Variants in OTOG observed in about 807,000 individuals in gnomAD.
OTOG encodes otogelin.
A neutral mutation model predicts 313.8 loss-of-function variants in OTOG; 296 were observed. The ratio of observed to expected loss-of-function variants is 0.94; its 90% CI spans 0.86 to 1.04. The LOEUF (loss-of-function observed/expected upper bound fraction) is 1.04. OTOG is among the 50% of genes least tolerant of loss of function. The pLI, the probability that OTOG is intolerant of heterozygous loss-of-function variation, is 0.00. For missense variants in OTOG, 3,948 were observed against 3,840.1 expected, an observed-to-expected ratio of 1.03 and a Z score of -0.74; for synonymous variants, 1,533 against 1,554.9, an observed-to-expected ratio of 0.99 and a Z score of 0.33.
At chr11:17,571,927 G>A (rs1424686498) in intron 17 of OTOG, among the ~76,000 whole-genome samples, 153 bp from the exon 18 acceptor site, 1 of 152,234 alleles carries the variant, frequency 6.6e-6, no homozygotes, top group Admixed American at 6.5e-5. Context: ...ATTTGGGTGA[G>A]TACACGTGCT....
chr11:17,613,213 TTC>T (rs1853623799), intron 38 of OTOG, among the ~76,000 whole-genome samples: 2 of 125,800 alleles, frequency 1.6e-5, no homozygotes, highest in African/African-American at 6.7e-5. Context: ...CTTTCTTTCT[TTC>T]TTTCTTTCTT....
chr11:17,602,161 G>A (rs1243068419), intron 31 of OTOG, 49 bp from the exon 32 acceptor site: 2 of 1,542,940 alleles, frequency 1.3e-6, no homozygotes, highest in African/African-American at 1.4e-5. Flanking sequence ...AGGTATGGGA[G>A]GTGGGCAGGC....
chr11:17,610,129 C>A lies in OTOG; in HGVS notation c.4829C>A (p.Ala1610Asp), dbSNP rs993028668. 5.8e-6 allele frequency: 9 copies of A among 1,550,538 alleles called. No homozygotes were observed. Among genetic ancestry groups the A allele is most frequent in the Non-Finnish European group, 7.0e-6 (8 of 1,146,978 alleles). Reference sequence around the variant, plus strand: ...ACAGTCTCCTCCCGGTCGCCCCCTGCCCCTCGCTTCCCGCTCATGACCAAG... The same window carrying A: ...ACAGTCTCCTCCCGGTCGCCCCCTGACCCTCGCTTCCCGCTCATGACCAAG... ...NITVSSRSPPAPRFPLMTKAV... is the reference protein window; with the variant it reads ...NITVSSRSPPDPRFPLMTKAV... Residue 1610 changes from alanine (A) to aspartate (D), a missense_variant, in exon 36 of 56, where the codon GCC (alanine) becomes GAC (aspartate). Transcript: ENST00000399397.
intron 39 of OTOG, among the ~76,000 whole-genome samples, chr11:17,618,798 A>G (rs1853794672): frequency 6.6e-6 from 1 of 152,204 alleles, no homozygotes; most frequent in African/African-American, 2.4e-5. Context: ...TTCTTAGGAA[A>G]TGGCCATTTT....
In OTOG at chr11:17,558,695, T is replaced by C; in HGVS notation, c.1103+51T>C. ...GGGAACCCTCTAGTATTGGGGTGAG[T>C]GCTCAGCACACGGGCCATCAAACTG... is the stretch of plus-strand genomic sequence containing the variant. On this transcript the variant is annotated intron_variant, in intron 10 of 55. Transcript: ENST00000399397. 2.7e-6 allele frequency: 4 copies of C among 1,499,548 alleles called. No homozygotes were observed. The South Asian group carries it at 4.8e-5, about 18-fold the overall frequency. 92.9% of individuals were successfully genotyped at this position (1,499,548 alleles called of 1,614,324 possible).
At chr11:17,558,685 T>C in intron 10 of OTOG, 41 bp downstream of exon 10, 1 of 1,520,416 alleles carries the variant, frequency 6.6e-7, no homozygotes, top group Non-Finnish European at 8.9e-7. Flanking sequence ...CCCTCTAGTA[T>C]TGGGGTGAGT....
Position 17,596,911 on chromosome 11 carries a change from G to A in OTOG, c.3586G>A (p.Gly1196Ser), listed in dbSNP as rs1295059983. ...AGACACATGTGGCTGCAGCCAGGGT[G>A]GTGACTGTGAGTGCTTCTGTGCCAG... ...LTDTCGCSQG[G>S]DCECFCASVS... The change falls in exon 30 of 56, where the codon GGT becomes AGT. Residue 1196 changes from glycine (G) to serine (S), a missense_variant. Transcript: ENST00000399397. 1 of 1,550,934 alleles carries A rather than the reference G, an allele frequency of 6.4e-7. No homozygotes were observed. Among genetic ancestry groups the A allele is most frequent in the East Asian group, 2.4e-5 (1 of 40,908 alleles).
chr11:17,623,909 C>A (rs1853921363), intron 39 of OTOG, among the ~76,000 whole-genome samples: 1 of 152,064 alleles, frequency 6.6e-6, no homozygotes, highest in Non-Finnish European at 1.5e-5. Context: ...TGATGTTGAG[C>A]TTTTTTCATA....
chr11:17,584,327 A>G (rs1852742243), intron 23 of OTOG, among the ~76,000 whole-genome samples: 8 of 152,212 alleles, frequency 5.3e-5, no homozygotes. Flanking sequence ...TTGGACTTAC[A>G]GTATACTTTT....
rs144226132 is a variant in OTOG at position 17,600,911 on chromosome 11, G to A, written c.3709+1214G>A. On this transcript the variant is annotated intron_variant, in intron 31 of 55. Coordinates refer to ENST00000399397, the MANE Select transcript of OTOG (RefSeq NM_001292063.2). Reference sequence around the variant, plus strand: ...GTTCTACTAGCATTTGCTCTGGTCCGGGCCCGCCAGGTGTTGGGAAGTCAG... The same window carrying A: ...GTTCTACTAGCATTTGCTCTGGTCCAGGCCCGCCAGGTGTTGGGAAGTCAG... 2.3e-4 allele frequency among the ~76,000 whole-genome samples: 35 copies of A among 151,854 alleles called. 1 individual carries two copies. Among genetic ancestry groups the A allele is most frequent in the Non-Finnish European group, 3.5e-4 (24 of 67,946 alleles).
At chr11:17,554,895 A>G (rs766689943) in intron 6 of OTOG, among the ~76,000 whole-genome samples, 2 of 152,364 alleles carry the variant, frequency 1.3e-5, no homozygotes, top group South Asian at 2.1e-4. Context: ...AGAGTGTATT[A>G]CGCATGATAG....
chr11:17,574,982 C>A (rs1852492324), intron 20 of OTOG, 70 bp downstream of exon 20: 1 of 1,374,400 alleles, frequency 7.3e-7, no homozygotes, highest in African/African-American at 1.5e-5. Flanking sequence ...GCATCTGAGA[C>A]TGGGGAACCT....
In OTOG at chr11:17,561,654, C is replaced by T; in HGVS notation, c.1499-8C>T. On this transcript the variant is annotated splice_region_variant and splice_polypyrimidine_tract_variant and intron_variant, in intron 14 of 55. Transcript: ENST00000399397. The stretch of plus-strand genomic sequence containing the variant: ...CCCATGGGTCAGTGGCCTTTTTCTA[C>T]CTCTCAGCTGAGTGCTCAGTGACTG... 5 of 1,550,560 alleles carry T rather than the reference C, an allele frequency of 3.2e-6. No homozygotes were observed. The highest frequency in any genetic ancestry group is 4.4e-6 in the Non-Finnish European group (5 of 1,146,970).
In OTOG at chr11:17,559,778, G is replaced by T. The variant is rs773596870; in HGVS notation, c.1342+116G>T. 6.3e-5 allele frequency: 57 copies of T among 901,330 alleles called. 1 individual carries two copies. The highest frequency in any genetic ancestry group is 8.3e-5 in the Non-Finnish European group (54 of 647,580). The allele number at this position is 901,330 out of a possible 1,614,324, so 55.8% of individuals were successfully genotyped here. The stretch of plus-strand genomic sequence containing the variant: ...TGGAAGGAAGGAAGGAAAGGAGGGA[G>T]GGAGGGAGGGAGGAAGGAAAAAAAG... On this transcript the variant is annotated intron_variant, in intron 12 of 55. Transcript: ENST00000399397.
intron 12 of OTOG, 95 bp from the exon 13 acceptor site, chr11:17,560,614 A>C (rs900155251): frequency 1.2e-6 from 1 of 854,616 alleles, no homozygotes; most frequent in Admixed American, 2.2e-5. Context: ...GAAAGAAGTT[A>C]GATAAGGGGA....
chr11:17,558,367 A>C, intron 9 of OTOG, 52 bp downstream of exon 9: 1 of 1,542,862 alleles, frequency 6.5e-7, no homozygotes, highest in Non-Finnish European at 8.8e-7. Context: ...CTTGCTATCC[A>C]ACTCTTCGAA....
intron 17 of OTOG, among the ~76,000 whole-genome samples, chr11:17,571,828 G>A (rs1212569266): frequency 6.6e-6 from 1 of 152,088 alleles, no homozygotes; most frequent in African/African-American, 2.4e-5. Flanking sequence ...TTTGAATGTG[G>A]CTGTGTGGAC....
chr11:17,569,753 T>C (rs1852365160), intron 16 of OTOG, among the ~76,000 whole-genome samples: 1 of 152,122 alleles, frequency 6.6e-6, no homozygotes, highest in African/African-American at 2.4e-5. Context: ...GCTGCAGAAA[T>C]AAATATAAAC....
chr11:17,607,766 G>A (rs540871150), intron 33 of OTOG, among the ~76,000 whole-genome samples: 81 of 152,322 alleles, frequency 5.3e-4, no homozygotes, highest in African/African-American at 1.7e-3. Flanking sequence ...GCCCAGGAAC[G>A]CTTTGGGCTA....
Sources: allele counts gnomAD v4.1 joint callset (sites outside exome capture counted in the v4.1 genomes callset), GRCh38; gene constraint gnomAD v4.1.1; transcripts MANE v1.5; gene names NCBI Gene and HGNC (gene_info 2026-07-23, HGNC 2026-07-21).